The following STK33 variants were observed in gnomAD, a reference collection of about 807,000 sequenced individuals.
The protein encoded by STK33 is serine/threonine kinase 33.
A neutral mutation model predicts 58.0 loss-of-function variants in STK33; 52 were observed. The observed-to-expected ratio is 0.90, with a 90% CI of 0.72 to 1.13. The LOEUF (loss-of-function observed/expected upper bound fraction) is 1.13. Among genes scored for constraint, STK33 ranks in the 50% most tolerant of loss-of-function variants. The probability of loss-of-function intolerance (pLI) is 0.00; values close to 1 mark genes in which losing one functional copy is unlikely to be tolerated. For synonymous variants in STK33, 215 were observed against 200.1 expected (o/e 1.07, Z -0.63); for missense variants, 630 against 604.2 (o/e 1.04, Z -0.45).
chr11:8,546,008 A>G (rs7926301), intron 1 of STK33, among the ~76,000 whole-genome samples: 16,847 of 152,234 alleles, frequency 0.11, 1,044 homozygotes, highest in African/African-American at 0.14. Flanking sequence ...TGTATTAAAT[A>G]CTGTAGGCAA....
the STK33 span, among the ~76,000 whole-genome samples, chr11:8,362,976 G>A: frequency 2.0e-5 from 3 of 152,040 alleles, no homozygotes; most frequent in East Asian, 5.8e-4. Flanking sequence ...AAGGGTGACA[G>A]GGTCACGCAC....
intron 1 of STK33, among the ~76,000 whole-genome samples, chr11:8,558,885 C>T (rs1028559837): frequency 6.6e-6 from 1 of 152,208 alleles, no homozygotes; most frequent in African/African-American, 2.4e-5. Context: ...GCACAACTGG[C>T]TGTGCGGGTA....
chr11:8,369,560 G>C, the STK33 span, among the ~76,000 whole-genome samples: 1 of 151,170 alleles, frequency 6.6e-6, no homozygotes, highest in Non-Finnish European at 1.5e-5. Context: ...GAGGGAGGGT[G>C]GGGCAGCACC....
chr11:8,498,406 G>A (rs12574009), intron 1 of STK33, among the ~76,000 whole-genome samples: 40,254 of 151,816 alleles, frequency 0.27, 5,517 homozygotes, highest in African/African-American at 0.33. Flanking sequence ...CTCTTCAAGG[G>A]GAACTACAAA....
intron 1 of STK33, among the ~76,000 whole-genome samples, chr11:8,521,866 A>C (rs1043821876): frequency 1.3e-5 from 2 of 152,206 alleles, no homozygotes; most frequent in African/African-American, 4.8e-5. Context: ...GCCAATAGAC[A>C]CATGAAAAAA....
intron 11 of STK33, among the ~76,000 whole-genome samples, chr11:8,442,342 G>A (rs1944861182): frequency 6.6e-6 from 1 of 152,150 alleles, no homozygotes; most frequent in Admixed American, 6.5e-5. Context: ...TATGACAAGG[G>A]CAAATTCTGT....
In STK33 at chr11:8,454,725, C is replaced by A. The variant is rs1320463349; in HGVS notation, c.786+19G>T. ...CAAACTGTTTACAGGCAAATATTTA[C>A]CACCATTGCTAATCTTACCTTTATG... On this transcript the variant is annotated intron_variant, in intron 10 of 15. Coordinates refer to ENST00000687296, the MANE Select transcript of STK33 (RefSeq NM_001352389.2). The A allele has an allele frequency of 1.1e-5, 17 of 1,559,302 alleles. No homozygotes were observed. Among genetic ancestry groups the A allele is most frequent in the Middle Eastern group, 1.7e-4 (1 of 5,898 alleles).
rs117222913 is a variant in STK33, at chr11:8,443,668, C to T, written c.872-2915G>A. ...CCAATGCATTTCATAGAAAATAAGC[C>T]TGATAATAAATATGTATTCAACTTA... On this transcript the variant is annotated intron_variant, in intron 11 of 15. Coordinates refer to ENST00000687296, the MANE Select transcript of STK33 (RefSeq NM_001352389.2). Among the ~76,000 whole-genome samples the T allele has an allele frequency of 2.3e-3, 342 of 151,258 alleles. 3 individuals are homozygous for T. The highest frequency in any genetic ancestry group is 4.4e-3 in the Non-Finnish European group (298 of 67,828).
intron 14 of STK33, among the ~76,000 whole-genome samples, chr11:8,430,712 C>T (rs746250101): frequency 6.6e-6 from 1 of 152,092 alleles, no homozygotes; most frequent in Non-Finnish European, 1.5e-5. Context: ...TGTGGGCAAC[C>T]TGTGGGCAGG....
At chr11:8,372,502 A>C in the STK33 span, among the ~76,000 whole-genome samples, 1 of 152,244 alleles carries the variant, frequency 6.6e-6, no homozygotes, top group African/African-American at 2.4e-5. Context: ...AAACTCTCAC[A>C]ACCTCAGCTT....
At chr11:8,387,637 A>T (rs1848561878), downstream of STK33, among the ~76,000 whole-genome samples, 1 of 152,208 alleles carries the variant, frequency 6.6e-6, no homozygotes, top group Non-Finnish European at 1.5e-5. Flanking sequence ...AATGGATCCC[A>T]TCCACTATTA....
intron 9 of STK33, among the ~76,000 whole-genome samples, chr11:8,455,810 C>CAAAAAA (rs1156835375): frequency 4.2e-4 from 20 of 47,134 alleles, no homozygotes; most frequent in Non-Finnish European, 6.6e-4. Context: ...GACTCTGTCT[C>CAAAAAA]AAAAAAAAAA....
At chr11:8,440,776 A>G in intron 11 of STK33, 23 bp from the exon 12 acceptor site, 1 of 1,542,254 alleles carries the variant, frequency 6.5e-7, no homozygotes, top group Non-Finnish European at 8.8e-7. Flanking sequence ...CAGATATAAA[A>G]TAACATTAAT....
At chr11:8,383,404 G>C in the STK33 span, among the ~76,000 whole-genome samples, 2 of 152,204 alleles carry the variant, frequency 1.3e-5, no homozygotes, top group Non-Finnish European at 2.9e-5. Flanking sequence ...CATCTGCCTT[G>C]GGAGGTAGGG....
At chr11:8,363,177 G>A in the STK33 span, among the ~76,000 whole-genome samples, 2 of 152,120 alleles carry the variant, frequency 1.3e-5, no homozygotes, top group Admixed American at 1.3e-4. Flanking sequence ...CAGGAGGGCC[G>A]GATTACTGGG....
At chr11:8,468,990 T>C (rs937547015) in intron 6 of STK33, among the ~76,000 whole-genome samples, 1 of 152,166 alleles carries the variant, frequency 6.6e-6, no homozygotes, top group African/African-American at 2.4e-5. Context: ...AACATAACAA[T>C]GCAATTGTAA....
chr11:8,548,886 A>T (rs992514161), intron 1 of STK33, among the ~76,000 whole-genome samples: 18 of 152,084 alleles, frequency 1.2e-4, no homozygotes, highest in African/African-American at 4.1e-4. Context: ...TCTTGTAGCT[A>T]TTGTAAATGG....
At chr11:8,354,474 T>TCTCACACACACACACA in the STK33 span, among the ~76,000 whole-genome samples, 2 of 124,680 alleles carry the variant, frequency 1.6e-5, no homozygotes, top group Non-Finnish European at 3.3e-5. Context: ...CTGCAAAACC[T>TCTCACACACACACACA]CACACACACA....
chr11:8,439,787 T>C (rs1480011660), intron 12 of STK33, among the ~76,000 whole-genome samples: 1 of 149,212 alleles, frequency 6.7e-6, no homozygotes, highest in Admixed American at 6.8e-5. Context: ...TGCCATGCCA[T>C]GCCATGCCAA....
Sources: allele counts gnomAD v4.1 joint callset (sites outside exome capture counted in the v4.1 genomes callset), GRCh38; gene constraint gnomAD v4.1.1; transcripts MANE v1.5; gene names NCBI Gene and HGNC (gene_info 2026-07-23, HGNC 2026-07-21).